Variants in TRERF1 observed in about 807,000 individuals in gnomAD.
TRERF1 encodes the protein transcriptional-regulating factor 1.
TRERF1 carries 27 observed loss-of-function variants against 122.9 expected under a neutral mutation model. The ratio of observed to expected loss-of-function variants is 0.22; its 90% CI spans 0.16 to 0.30. The LOEUF is 0.30. Among genes scored for constraint, TRERF1 ranks in the 10% least tolerant of loss-of-function variants. The pLI, the probability that TRERF1 is intolerant of heterozygous loss-of-function variation, is 1.00. For missense variants in TRERF1, 1,248 were observed against 1,560.3 expected (o/e 0.80, Z 3.37); for synonymous variants, 636 against 641.7 (o/e 0.99, Z 0.13).
intron 3 of TRERF1, among the ~76,000 whole-genome samples, chr6:42,349,710 C>T (rs1023511414): frequency 3.3e-5 from 5 of 152,128 alleles, no homozygotes; most frequent in Non-Finnish European, 7.3e-5. Context: ...GGGGTAAAAC[C>T]CTTCAATGGT....
chr6:42,447,328 A>G (rs1378634300), intron 2 of TRERF1, among the ~76,000 whole-genome samples: 1 of 152,232 alleles, frequency 6.6e-6, no homozygotes, highest in Non-Finnish European at 1.5e-5. Context: ...AAGATTTATT[A>G]AGAGAGCCCT....
intron 2 of TRERF1, among the ~76,000 whole-genome samples, chr6:42,445,352 AG>A (rs1407225246): frequency 7.5e-5 from 5 of 66,638 alleles, no homozygotes; most frequent in Admixed American, 1.8e-4. Context: ...CTACACACAC[AG>A]ACACACACAC....
chr6:42,355,705 G>A (rs1267572897), intron 3 of TRERF1, among the ~76,000 whole-genome samples: 5 of 152,176 alleles, frequency 3.3e-5, no homozygotes, highest in Non-Finnish European at 7.3e-5. Flanking sequence ...GTGTGTGTGT[G>A]TCCACGTGGA....
chr6:42,294,861 C>A (rs1265973324), intron 4 of TRERF1, among the ~76,000 whole-genome samples: 1 of 152,178 alleles, frequency 6.6e-6, no homozygotes, highest in African/African-American at 2.4e-5. Context: ...AATGTTTAAT[C>A]TACCAGGTAA....
intron 4 of TRERF1, among the ~76,000 whole-genome samples, chr6:42,272,716 G>A (rs1284804199): frequency 6.6e-6 from 1 of 152,126 alleles, no homozygotes; most frequent in Non-Finnish European, 1.5e-5. Flanking sequence ...TCTTGCCAGT[G>A]GGAAGCAACT....
rs750918894 is a variant in TRERF1, at chr6:42,263,337, C to T, written c.1867G>A (p.Asp623Asn). ...ATCCTCACGAGCACAGGCATCTCGT[C>T]GTCCGACATCGAGCTGGCTGGCTTG... is the stretch of plus-strand genomic sequence containing the variant. Residue 623 changes from aspartate to asparagine, a missense_variant, in exon 8 of 18, where the codon GAC becomes AAC. This residue lies in a region of TRERF1 where 946 missense variants were observed against 1,073.0 expected (regional missense o/e 0.88). Transcript: ENST00000372922. The surrounding 1 kb of genome is among the most constrained non-coding windows in gnomAD (Gnocchi z 5.6). The T allele has an allele frequency of 5.0e-6, 8 of 1,612,272 alleles. No homozygotes were observed. Among genetic ancestry groups the T allele is most frequent in the South Asian group, 2.2e-5 (2 of 90,486 alleles).
Position 42,268,352 on chromosome 6 carries a change from G to A in TRERF1, c.1239C>T (p.Asp413=). ...AGCTCAGCATGGCCTGGGCCTGTCT[G>A]TCACTAGAGTAGGTCTTCAGCTGAC... The change falls in exon 5 of 18, where the codon GAC becomes GAT. Residue 413 remains aspartate, a synonymous_variant. Coordinates refer to ENST00000372922, the Ensembl canonical transcript of TRERF1. The surrounding 1 kb of genome is among the most constrained non-coding windows in gnomAD (Gnocchi z 4.4). 3.9e-6 allele frequency: 6 copies of A among 1,522,722 alleles called. No homozygotes were observed. The highest frequency in any genetic ancestry group is 5.3e-6 in the Non-Finnish European group (6 of 1,137,206). 94.3% of individuals were successfully genotyped at this position (1,522,722 alleles called of 1,614,324 possible). A position where few individuals can be genotyped will look rare whatever the true frequency, so the allele number is the denominator to read the frequency against.
intron 3 of TRERF1, among the ~76,000 whole-genome samples, chr6:42,355,446 C>A (rs1379411357): frequency 6.6e-6 from 1 of 152,114 alleles, no homozygotes; most frequent in Non-Finnish European, 1.5e-5. Flanking sequence ...GAAATCTACT[C>A]GCTAGAATTT....
rs147581563 is a variant in TRERF1 at position 42,366,461 on chromosome 6, G to A, written c.-453-3382C>T. On this transcript the variant is annotated intron_variant, in intron 2 of 17. Coordinates refer to ENST00000372922, the Ensembl canonical transcript of TRERF1. Reference sequence around the variant, plus strand: ...TCCTGTGCAGGAGGCACCAGAGTCCGGCACCTCCTAACATCCACTCTAACG... The same window carrying A: ...TCCTGTGCAGGAGGCACCAGAGTCCAGCACCTCCTAACATCCACTCTAACG... 4.9e-4 allele frequency among the ~76,000 whole-genome samples: 75 copies of A among 152,228 alleles called. No homozygotes were observed. In the East Asian group the frequency reaches 8.3e-3, roughly 17 times the overall value.
At chr6:42,288,865 C>T (rs976333194) in intron 4 of TRERF1, among the ~76,000 whole-genome samples, 8 of 151,752 alleles carry the variant, frequency 5.3e-5, no homozygotes, top group African/African-American at 1.9e-4. Context: ...GGGGCAAGGG[C>T]AAGACCATCC....
At chr6:42,264,904 G>GA in intron 6 of TRERF1, 50 bp from the exon 7 acceptor site, 1 of 1,598,536 alleles carries the variant, frequency 6.3e-7, no homozygotes, top group Non-Finnish European at 8.5e-7. Flanking sequence ...TGAGGAAGGG[G>GA]AAACAGTGAC....
chr6:42,306,222 G>A (rs1035805572), intron 3 of TRERF1, among the ~76,000 whole-genome samples: 3 of 151,920 alleles, frequency 2.0e-5, no homozygotes, highest in East Asian at 1.9e-4. Context: ...GTCTGGTCTG[G>A]AACTCCTGAC....
At chr6:42,430,894 CAAAA>C (rs11295004) in intron 2 of TRERF1, among the ~76,000 whole-genome samples, 4 of 122,362 alleles carry the variant, frequency 3.3e-5, no homozygotes, top group African/African-American at 6.3e-5. Context: ...GACTCCATCT[CAAAA>C]AAAAAAAAAA....
intron 2 of TRERF1, among the ~76,000 whole-genome samples, chr6:42,404,489 A>G (rs1428926919): frequency 6.7e-6 from 1 of 148,428 alleles, no homozygotes. Flanking sequence ...TTTCTCCCCT[A>G]CCCCCACCCC....
intron 13 of TRERF1, among the ~76,000 whole-genome samples, chr6:42,251,966 T>C (rs943955532): frequency 6.6e-6 from 1 of 152,212 alleles, no homozygotes; most frequent in African/African-American, 2.4e-5. Flanking sequence ...CCAGGCTTCG[T>C]CTCCACCCTG....
rs528876712 is a variant in TRERF1, at chr6:42,233,386, C to T, written c.3067-494G>A. The stretch of plus-strand genomic sequence containing the variant: ...CTGCAAGCTCCGCCTCCCAGGTTCA[C>T]ACCATTCTCCTGCCTCAGCCTCCCG... On this transcript the variant is annotated intron_variant, in intron 16 of 17. Coordinates refer to ENST00000372922, the Ensembl canonical transcript of TRERF1. 6.8e-3 allele frequency among the ~76,000 whole-genome samples: 1,033 copies of T among 150,824 alleles called. 20 individuals are homozygous for T. The highest frequency in any genetic ancestry group is 0.024 in the African/African-American group (1,002 of 40,988).
intron 15 of TRERF1, among the ~76,000 whole-genome samples, chr6:42,237,343 T>C (rs1411241289): frequency 1.3e-5 from 2 of 152,182 alleles, no homozygotes; most frequent in Non-Finnish European, 2.9e-5. Context: ...TCCCCTTGCT[T>C]AACTACTTTA....
At chr6:42,437,230 A>G (rs910450104) in intron 2 of TRERF1, among the ~76,000 whole-genome samples, 3 of 152,074 alleles carry the variant, frequency 2.0e-5, no homozygotes, top group African/African-American at 4.8e-5. Flanking sequence ...CCAGCCACCA[A>G]TGATTCCCCC....
At chr6:42,348,863 TAGAA>T (rs1207031586) in intron 3 of TRERF1, among the ~76,000 whole-genome samples, 3 of 152,072 alleles carry the variant, frequency 2.0e-5, no homozygotes, top group East Asian at 3.9e-4. Context: ...AAAGATTAGT[TAGAA>T]GGAAGGCAGG....
Sources: gnomAD v4.1 joint callset for allele counts (sites outside exome capture counted in the v4.1 genomes callset) on GRCh38, gnomAD v4.1.1 for gene constraint, gnomAD v4.1.1 regional missense constraint, Gnocchi (gnomAD v3.1) non-coding constraint, MANE v1.5 for transcripts, NCBI Gene and HGNC (gene_info 2026-07-23, HGNC 2026-07-21) for gene names.